Variants in NTN1 observed in about 807,000 individuals in gnomAD.
NTN1 encodes netrin-1.
NTN1 carries 11 observed loss-of-function variants against 54.2 expected under a neutral mutation model. The observed-to-expected ratio is 0.20, with a 90% CI of 0.13 to 0.34. NTN1 has a LOEUF of 0.34. NTN1 is among the 10% of genes least tolerant of loss of function. The pLI, the probability that NTN1 is intolerant of heterozygous loss-of-function variation, is 1.00. For synonymous variants in NTN1, 371 were observed against 382.0 expected (o/e 0.97, Z 0.33); for missense variants, 740 against 893.1 (o/e 0.83, Z 2.18).
chr17:9,094,795 C>G, intron 2 of NTN1, among the ~76,000 whole-genome samples: 1 of 151,938 alleles, frequency 6.6e-6, no homozygotes. Context: ...TTGAGACTGG[C>G]CTGGCCAACA....
At chr17:9,114,154 A>ATATATAT (rs1491588506) in intron 2 of NTN1, among the ~76,000 whole-genome samples, 46 of 39,180 alleles carry the variant, frequency 1.2e-3, no homozygotes, top group African/African-American at 4.3e-3. Flanking sequence ...AAAAAAAAAG[A>ATATATAT]AAAAAAAAAA....
At chr17:9,068,931 C>G (rs2092024314) in intron 2 of NTN1, among the ~76,000 whole-genome samples, 1 of 152,142 alleles carries the variant, frequency 6.6e-6, no homozygotes, top group Admixed American at 6.5e-5. Context: ...CTGGTGTCCA[C>G]ACCATATGGC....
At chr17:9,131,088 T>C (rs2092263477) in intron 2 of NTN1, among the ~76,000 whole-genome samples, 1 of 152,222 alleles carries the variant, frequency 6.6e-6, no homozygotes, top group South Asian at 2.1e-4. Flanking sequence ...TCAGGGCCTT[T>C]GCACTGGCTG....
At chr17:9,034,449 G>A (rs2091897149) in intron 2 of NTN1, among the ~76,000 whole-genome samples, 1 of 143,164 alleles carries the variant, frequency 7.0e-6, no homozygotes. Flanking sequence ...TTAAGATAGA[G>A]TCTTGCTCTG....
the NTN1 span, among the ~76,000 whole-genome samples, chr17:9,008,674 C>T: frequency 2.0e-5 from 3 of 152,154 alleles, no homozygotes; most frequent in African/African-American, 7.2e-5. Flanking sequence ...ACTTTAGGGT[C>T]TTCTGCATAT....
rs975404542 is a variant in NTN1 at position 9,214,597 on chromosome 17, C to T, written c.1412-6571C>T. ...CAGCACTTTGGGAGGCCGAGGCAGG[C>T]GGATCACGAGGTTAGGAGATCGAGA... On this transcript the variant is annotated intron_variant, in intron 5 of 6. Transcript: ENST00000173229. Among the ~76,000 whole-genome samples, 14 of 152,248 alleles carry T rather than the reference C, an allele frequency of 9.2e-5. 1 individual carries two copies. The highest frequency in any genetic ancestry group is 3.3e-4 in the Admixed American group (5 of 15,296).
intron 2 of NTN1, among the ~76,000 whole-genome samples, chr17:9,144,867 G>C (rs1031687740): frequency 1.3e-5 from 2 of 152,244 alleles, no homozygotes; most frequent in Non-Finnish European, 1.5e-5. Flanking sequence ...CAGAACCACA[G>C]ACCAGTGTCC....
At chr17:9,014,554 T>C in the NTN1 span, among the ~76,000 whole-genome samples, 11 of 152,162 alleles carry the variant, frequency 7.2e-5, no homozygotes, top group Admixed American at 6.5e-4. Flanking sequence ...GTCACACCAT[T>C]AGGAAGTGGC....
intron 2 of NTN1, among the ~76,000 whole-genome samples, chr17:9,061,561 G>A (rs1259002310): frequency 2.0e-5 from 3 of 152,176 alleles, no homozygotes; most frequent in African/African-American, 7.2e-5. Context: ...GATAGGTTTG[G>A]AGTGGGGCCC....
intron 5 of NTN1, among the ~76,000 whole-genome samples, chr17:9,186,000 A>G (rs1169390301): frequency 6.6e-6 from 1 of 151,196 alleles, no homozygotes; most frequent in East Asian, 1.9e-4. Flanking sequence ...CTGTGGCAGG[A>G]GTGAGCTCCT....
At chr17:9,057,113 G>A (rs1224176602) in intron 2 of NTN1, among the ~76,000 whole-genome samples, 1 of 151,964 alleles carries the variant, frequency 6.6e-6, no homozygotes, top group Non-Finnish European at 1.5e-5. Context: ...GTTGAGGTGG[G>A]GGCTGGAGTG....
chr17:9,151,277 A>G (rs1399337462), intron 2 of NTN1, among the ~76,000 whole-genome samples: 1 of 152,118 alleles, frequency 6.6e-6, no homozygotes, highest in Non-Finnish European at 1.5e-5. Context: ...ATTCAGCCCT[A>G]TTAGTGGCCT....
At chr17:9,056,624 T>C (rs1232007371) in intron 2 of NTN1, among the ~76,000 whole-genome samples, 1 of 151,532 alleles carries the variant, frequency 6.6e-6, no homozygotes, top group Non-Finnish European at 1.5e-5. Context: ...TCAGGTAGAG[T>C]GTGTGGGGTG....
intron 2 of NTN1, among the ~76,000 whole-genome samples, chr17:9,129,779 A>G (rs1317081793): frequency 6.6e-6 from 1 of 152,016 alleles, no homozygotes. Context: ...TGCAGGTGTG[A>G]GCATGTGTGT....
the NTN1 span, among the ~76,000 whole-genome samples, chr17:9,007,914 T>A: frequency 6.6e-6 from 1 of 152,140 alleles, no homozygotes; most frequent in Middle Eastern, 3.4e-3. Flanking sequence ...ATTATTATTC[T>A]TATTATTTTT....
chr17:9,198,397 G>A (rs114719471), intron 5 of NTN1, among the ~76,000 whole-genome samples: 2,451 of 152,318 alleles, frequency 0.016, 44 homozygotes, highest in African/African-American at 0.048. Context: ...GTGTCCATCC[G>A]TCAAGGGCAA....
chr17:9,219,166 T>C lies in NTN1; in HGVS notation c.1412-2002T>C, dbSNP rs1252713727. 6.6e-6 allele frequency among the ~76,000 whole-genome samples: 1 copy of C among 152,144 alleles called. No homozygotes were observed. Among genetic ancestry groups the C allele is most frequent in the Non-Finnish European group, 1.5e-5 (1 of 68,014 alleles). ...AGAGCGGCTGTTCCTCACAGGGAAG[T>C]GCGGCCGCGGTGCTGATGGTGCTGA... On this transcript the variant is annotated intron_variant, in intron 5 of 6. Coordinates refer to ENST00000173229, the MANE Select transcript of NTN1 (RefSeq NM_004822.3). This position sits in a 1 kb window ranked among gnomAD's most constrained non-coding sequence, Gnocchi z 4.5.
intron 2 of NTN1, among the ~76,000 whole-genome samples, chr17:9,066,101 C>T (rs945023146): frequency 5.9e-5 from 9 of 152,020 alleles, no homozygotes; most frequent in South Asian, 2.1e-4. Flanking sequence ...TATTATTGTC[C>T]GGTCAAGAAG....
chr17:9,022,277 G>A, intron 1 of NTN1, 34 bp from the exon 2 acceptor site: 2 of 1,209,024 alleles, frequency 1.7e-6, no homozygotes, highest in Non-Finnish European at 2.1e-6. Flanking sequence ...GGCGCGGGGC[G>A]GGCTGGCTGA....
Sources: gnomAD v4.1 joint callset for allele counts (sites outside exome capture counted in the v4.1 genomes callset) on GRCh38, gnomAD v4.1.1 for gene constraint, Gnocchi (gnomAD v3.1) non-coding constraint, MANE v1.5 for transcripts, NCBI Gene and HGNC (gene_info 2026-07-23, HGNC 2026-07-21) for gene names.